The following ACSM1 variants were observed in gnomAD, a reference collection of about 807,000 sequenced individuals.
The protein encoded by ACSM1 is acyl-CoA synthetase medium chain family member 1.
A neutral mutation model predicts 75.8 loss-of-function variants in ACSM1; 79 were observed. The observed-to-expected ratio is 1.04, with a 90% CI of 0.87 to 1.26. The LOEUF is 1.26. Ranked by LOEUF, ACSM1 falls within the 50% of genes most tolerant of loss-of-function variation. The pLI, the probability that ACSM1 is intolerant of heterozygous loss-of-function variation, is 0.00. For missense variants in ACSM1, 676 were observed against 720.1 expected (o/e 0.94, Z 0.70); for synonymous variants, 279 against 265.8 (o/e 1.05, Z -0.48).
intron 7 of ACSM1, among the ~76,000 whole-genome samples, chr16:20,643,962 C>T (rs1237509785): frequency 6.6e-6 from 1 of 152,146 alleles, no homozygotes; most frequent in African/African-American, 2.4e-5. Flanking sequence ...GGTGCTTTGA[C>T]AATCTTTTAG....
At position 20,677,367 on chromosome 16, in the gene ACSM1, C is replaced by G. The variant is rs1288542347; in HGVS notation, c.611+4889G>C. ...TCAAGCCATAAGGTCATGGCATCAC[C>G]CAGTGACATACTTATCCAGGCAATT... is the stretch of plus-strand genomic sequence containing the variant. On this transcript the variant is annotated intron_variant, in intron 4 of 13. Coordinates refer to ENST00000520010, the MANE Select transcript of ACSM1 (RefSeq NM_001318890.3). Among the ~76,000 whole-genome samples, 3 of 152,136 alleles carry G rather than the reference C, an allele frequency of 2.0e-5. No individual in the cohort carries two copies. The East Asian group carries it at 5.8e-4, about 29-fold the overall frequency.
intron 6 of ACSM1, 63 bp from the exon 7 acceptor site, chr16:20,661,936 T>C: frequency 8.9e-7 from 1 of 1,126,442 alleles, no homozygotes; most frequent in Non-Finnish European, 1.3e-6. Flanking sequence ...CAGCCAATTA[T>C]TAGCAGTCTA....
rs145521437 is a variant in ACSM1 at position 20,650,376 on chromosome 16, G to A, written c.993-9792C>T. ...CAAAAAGGTGCCCCTGGGTGATCAG[G>A]GGACTCGTGGGAGTGTCTGGGAGCT... On this transcript the variant is annotated intron_variant, in intron 7 of 13. Transcript: ENST00000520010. Among the ~76,000 whole-genome samples, 58 of 152,228 alleles carry A rather than the reference G, an allele frequency of 3.8e-4. No individual in the cohort carries two copies. The East Asian group carries it at 0.011, about 28-fold the overall frequency.
intron 10 of ACSM1, 94 bp downstream of exon 10, chr16:20,636,645 G>T: frequency 1.2e-6 from 1 of 853,332 alleles, no homozygotes; most frequent in Non-Finnish European, 1.9e-6. Flanking sequence ...CATTGAGTTA[G>T]AGCAAATAAA....
intron 10 of ACSM1, among the ~76,000 whole-genome samples, chr16:20,630,382 C>T (rs943909899): frequency 6.6e-5 from 10 of 151,768 alleles, no homozygotes; most frequent in Admixed American, 1.3e-4. Flanking sequence ...CCACGATGCC[C>T]GGTCAAAATA....
chr16:20,624,959 G>A (rs1043848463), intron 12 of ACSM1, among the ~76,000 whole-genome samples: 7 of 151,940 alleles, frequency 4.6e-5, no homozygotes, highest in Admixed American at 1.3e-4. Context: ...GACCTCAGGT[G>A]ATCGGTCCAC....
At chr16:20,684,069 A>C (rs2152315975) in intron 3 of ACSM1, among the ~76,000 whole-genome samples, 1 of 152,342 alleles carries the variant, frequency 6.6e-6, no homozygotes, top group South Asian at 2.1e-4. Flanking sequence ...CACATGATAA[A>C]ATGAGAGAAG....
At chr16:20,687,348 A>G (rs1018602244) in intron 2 of ACSM1, among the ~76,000 whole-genome samples, 2 of 152,192 alleles carry the variant, frequency 1.3e-5, no homozygotes, top group Admixed American at 1.3e-4. Flanking sequence ...TTAAGAAATT[A>G]AAACAGCCAT....
At chr16:20,643,088 G>A (rs1332267740) in intron 7 of ACSM1, among the ~76,000 whole-genome samples, 1 of 152,152 alleles carries the variant, frequency 6.6e-6, no homozygotes, top group Admixed American at 6.5e-5. Flanking sequence ...TTTCCTCTCT[G>A]TTGACCCTTG....
chr16:20,682,580 G>C, intron 3 of ACSM1, 117 bp from the exon 4 acceptor site: 4 of 714,670 alleles, frequency 5.6e-6, no homozygotes, highest in South Asian at 5.1e-5. Context: ...ACAGGCCACA[G>C]AACAACAGCA....
intron 3 of ACSM1, 93 bp downstream of exon 3, chr16:20,685,100 A>T (rs1187635096): frequency 1.5e-6 from 2 of 1,349,272 alleles, no homozygotes; most frequent in Admixed American, 1.8e-5. Context: ...AAGCTGTGTC[A>T]GTGCCAGGCT....
chr16:20,680,093 C>T (rs1259095511), intron 4 of ACSM1: 1 of 152,236 alleles, frequency 6.6e-6, no homozygotes, highest in Non-Finnish European at 1.5e-5. Context: ...CACACTAACA[C>T]AACTCCAATA....
chr16:20,686,810 GA>G (rs57762001), intron 2 of ACSM1, among the ~76,000 whole-genome samples: 90,104 of 146,688 alleles, frequency 0.61, 28,529 homozygotes, highest in Non-Finnish European at 0.73. Flanking sequence ...TCTCAAAAAA[GA>G]AAAAAAAAAA....
chr16:20,671,473 AC>A, intron 5 of ACSM1, 57 bp downstream of exon 5: 1 of 1,519,094 alleles, frequency 6.6e-7, no homozygotes, highest in Non-Finnish European at 8.9e-7. Flanking sequence ...ACACACACAC[AC>A]ACACAAACTT....
chr16:20,694,957 C>G (rs747157041), intron 1 of ACSM1, among the ~76,000 whole-genome samples: 3 of 152,166 alleles, frequency 2.0e-5, no homozygotes, highest in Non-Finnish European at 4.4e-5. Flanking sequence ...TGATCTTGGA[C>G]CTCCAGCCTT....
intron 8 of ACSM1, 92 bp from the exon 9 acceptor site, chr16:20,637,543 G>A: frequency 4.5e-6 from 5 of 1,112,798 alleles, no homozygotes; most frequent in Non-Finnish European, 6.8e-6. Flanking sequence ...TCTGCTCAGA[G>A]ATGTAGTATT....
intron 11 of ACSM1, among the ~76,000 whole-genome samples, chr16:20,626,171 A>C (rs946057583): frequency 1.3e-5 from 2 of 152,024 alleles, no homozygotes; most frequent in Non-Finnish European, 2.9e-5. Flanking sequence ...GGATCAATGG[A>C]GGTCAGGAGT....
At chr16:20,631,112 A>C (rs920238670) in intron 10 of ACSM1, among the ~76,000 whole-genome samples, 1 of 152,252 alleles carries the variant, frequency 6.6e-6, no homozygotes, top group African/African-American at 2.4e-5. Context: ...GGTTATAAAC[A>C]ATAGATATTA....
At chr16:20,689,682 T>G (rs1387300251) in intron 2 of ACSM1, among the ~76,000 whole-genome samples, 2 of 152,210 alleles carry the variant, frequency 1.3e-5, no homozygotes, top group Non-Finnish European at 2.9e-5. Flanking sequence ...TTTATATTAC[T>G]CAAATTTATA....
Sources: gnomAD v4.1 joint callset for allele counts (sites outside exome capture counted in the v4.1 genomes callset) on GRCh38, gnomAD v4.1.1 for gene constraint, MANE v1.5 for transcripts, NCBI Gene and HGNC (gene_info 2026-07-23, HGNC 2026-07-21) for gene names.